TTC34: variants seen among roughly 807,000 people sequenced by gnomAD.
TTC34 encodes tetratricopeptide repeat protein 34.
A neutral mutation model predicts 40.7 loss-of-function variants in TTC34; 44 were observed. The observed-to-expected ratio is 1.08, with a 90% CI of 0.85 to 1.39. The LOEUF (loss-of-function observed/expected upper bound fraction) is 1.39, where lower values mean the gene tolerates loss of function less well. Among genes scored for constraint, TTC34 ranks in the 40% most tolerant of loss-of-function variants. The pLI is 0.00. For missense variants in TTC34, 884 were observed against 838.0 expected, an observed-to-expected ratio of 1.05 and a Z score of -0.68; for synonymous variants, 422 against 398.6, an observed-to-expected ratio of 1.06 and a Z score of -0.70.
At chr1:2,750,770 C>G (rs1422007897) in intron 6 of TTC34, among the ~76,000 whole-genome samples, 1 of 111,182 alleles carries the variant, frequency 9.0e-6, no homozygotes, top group Non-Finnish European at 1.8e-5. Flanking sequence ...CGCATAAACA[C>G]AGGTGAACAT....
At chr1:2,657,353 A>G (rs1639383571) in intron 6 of TTC34, among the ~76,000 whole-genome samples, 1 of 97,658 alleles carries the variant, frequency 1.0e-5, no homozygotes, top group South Asian at 2.8e-4. Flanking sequence ...CAAGGTGAGC[A>G]TCTGACAACT....
intron 6 of TTC34, among the ~76,000 whole-genome samples, chr1:2,684,866 C>A (rs1387311760): frequency 2.6e-5 from 3 of 117,152 alleles, no homozygotes; most frequent in African/African-American, 1.2e-4. Context: ...CAGCCTGGAG[C>A]AGCACCCACA....
rs568801553 is a variant in TTC34, at chr1:2,687,210, G to C, written c.2227-41647C>G. Among the ~76,000 whole-genome samples, 320 of 147,286 alleles carry C rather than the reference G, an allele frequency of 2.2e-3. 35 individuals are homozygous for C. The highest frequency in any genetic ancestry group is 7.9e-3 in the African/African-American group (295 of 37,112). On this transcript the variant is annotated intron_variant, in intron 6 of 8. Coordinates refer to ENST00000401095, the Ensembl canonical transcript of TTC34. ...CCACGGAGCAGCACCCACACCTCCC[G>C]GCGAGCATCCGACAGCCTGGAGCAG... is the stretch of plus-strand genomic sequence containing the variant.
intron 6 of TTC34, among the ~76,000 whole-genome samples, chr1:2,761,331 T>C (rs1343354923): frequency 2.0e-4 from 14 of 71,564 alleles, no homozygotes; most frequent in South Asian, 6.5e-4. Context: ...CAACCCCAGG[T>C]GAGTATCTGA....
chr1:2,642,983 G>A (rs1030149966), intron 8 of TTC34, among the ~76,000 whole-genome samples: 1 of 152,202 alleles, frequency 6.6e-6, no homozygotes, highest in Non-Finnish European at 1.5e-5. Flanking sequence ...GCCCCTCTCC[G>A]GGCGGAGGCA....
intron 6 of TTC34, among the ~76,000 whole-genome samples, chr1:2,685,845 G>A (rs1403436414): frequency 7.0e-6 from 1 of 142,292 alleles, no homozygotes; most frequent in South Asian, 2.2e-4. Flanking sequence ...CCATGCCCAG[G>A]TGAGCCTCTG....
chr1:2,754,755 G>C (rs1641447520), intron 6 of TTC34, among the ~76,000 whole-genome samples: 16 of 150,164 alleles, frequency 1.1e-4, no homozygotes, highest in South Asian at 2.1e-4. Context: ...GTGCGCATGT[G>C]ATGGTCTGGA....
chr1:2,641,889 C>T, exon 9 of TTC34: 1 of 1,481,368 alleles, frequency 6.8e-7, no homozygotes, highest in Non-Finnish European at 8.9e-7. Context: ...GCTTCCTGGG[C>T]CGCCGCCTGC....
rs200182508 is a variant in TTC34, at chr1:2,681,683, C to T, written c.2227-36120G>A. 1.3e-4 allele frequency among the ~76,000 whole-genome samples: 12 copies of T among 94,934 alleles called. No homozygotes were observed. In the East Asian group the frequency reaches 2.9e-3, roughly 23 times the overall value. The allele number at this position is 94,934 out of a possible 152,430, so 62.3% of individuals were successfully genotyped here. A position where few individuals can be genotyped will look rare whatever the true frequency, so the allele number is the denominator to read the frequency against. The stretch of plus-strand genomic sequence containing the variant: ...TCCACACCCCCAGGTGAGCATTTGA[C>T]AGCCTGGAACAGCACTCACACCCCC... On this transcript the variant is annotated intron_variant, in intron 6 of 8. Transcript: ENST00000401095.
intron 6 of TTC34, among the ~76,000 whole-genome samples, chr1:2,683,347 T>A (rs77135792): frequency 1.9e-5 from 2 of 105,380 alleles, no homozygotes; most frequent in South Asian, 3.5e-4. Context: ...AACACCACCC[T>A]GCACCCCCAG....
chr1:2,656,372 A>T (rs58842912), intron 6 of TTC34, among the ~76,000 whole-genome samples: 1 of 6,032 alleles, frequency 1.7e-4, no homozygotes, highest in East Asian at 3.8e-3. Flanking sequence ...AACAGCACCC[A>T]CACCCACAGG....
At chr1:2,641,419 T>A in exon 9 of TTC34, 1 of 1,532,566 alleles carries the variant, frequency 6.5e-7, no homozygotes, top group South Asian at 1.2e-5. Context: ...TGGCCTTCAG[T>A]CTCTTCAGGC....
rs1277030002 is a variant in TTC34, at chr1:2,686,838, C to G, written c.2227-41275G>C. ...GCATCTGACAGCCTGGAGCAGCACC[C>G]CACACCCCCAGGTGAGCATCGGACA... On this transcript the variant is annotated intron_variant, in intron 6 of 8. Coordinates refer to ENST00000401095, the Ensembl canonical transcript of TTC34. Among the ~76,000 whole-genome samples the G allele has an allele frequency of 3.5e-4, 52 of 149,720 alleles. 1 individual carries two copies. Among genetic ancestry groups the G allele is most frequent in the African/African-American group, 5.4e-4 (22 of 40,414 alleles).
At chr1:2,699,443 T>G (rs1215190247) in intron 6 of TTC34, among the ~76,000 whole-genome samples, 1 of 62,208 alleles carries the variant, frequency 1.6e-5, no homozygotes, top group Non-Finnish European at 3.5e-5. Flanking sequence ...GCCTGGAACA[T>G]CACCCCGCAC....
chr1:2,773,178 C>A (rs1363225792), intron 6 of TTC34, among the ~76,000 whole-genome samples: 19 of 137,838 alleles, frequency 1.4e-4, no homozygotes, highest in East Asian at 4.9e-4. Context: ...GCGCCCACAC[C>A]CCCAGGTGAG....
At chr1:2,676,814 T>G (rs1394357212) in intron 6 of TTC34, among the ~76,000 whole-genome samples, 1 of 7,030 alleles carries the variant, frequency 1.4e-4, no homozygotes, top group African/African-American at 7.6e-4. Context: ...CACCACCAGG[T>G]GAGCATCTGA....
At chr1:2,750,189 G>T in intron 6 of TTC34, among the ~76,000 whole-genome samples, 1 of 151,532 alleles carries the variant, frequency 6.6e-6, no homozygotes, top group Non-Finnish European at 1.5e-5. Flanking sequence ...TGACAGCCTG[G>T]GTCGGCACCC....
chr1:2,753,274 A>C (rs1158167239), intron 6 of TTC34, among the ~76,000 whole-genome samples: 274 of 90,942 alleles, frequency 3.0e-3, no homozygotes, highest in South Asian at 5.7e-3. Context: ...AGCATCTGAC[A>C]GCCTGGAACA....
chr1:2,645,486 C>T lies in TTC34; in HGVS notation c.2304G>A (p.Pro768=), dbSNP rs77821602. 88 of 1,509,890 alleles carry T rather than the reference C, an allele frequency of 5.8e-5. No individual in the cohort carries two copies. The South Asian group carries it at 6.9e-4, about 12-fold the overall frequency. The allele number at this position is 1,509,890 out of a possible 1,614,324, so 93.5% of individuals were successfully genotyped here. A position where few individuals can be genotyped will look rare whatever the true frequency, so the allele number is the denominator to read the frequency against. ...CCTGTGTGATGAGGGCCTGGGCTTC[C>T]GGCTTCAGAGAGCGGAGCTCAGGGA... Residue 768 remains proline (P), a synonymous_variant, in exon 7 of 9, where the codon CCG becomes CCA. Coordinates refer to ENST00000401095, the Ensembl canonical transcript of TTC34. The surrounding 1 kb of genome is among the most constrained non-coding windows in gnomAD (Gnocchi z 4.7).
Sources: allele counts gnomAD v4.1 joint callset (sites outside exome capture counted in the v4.1 genomes callset), GRCh38; gene constraint gnomAD v4.1.1; non-coding constraint Gnocchi (gnomAD v3.1); transcripts MANE v1.5; gene names NCBI Gene and HGNC (gene_info 2026-07-23, HGNC 2026-07-21).